Variants in ATP1B1 observed in about 807,000 individuals in gnomAD.
ATP1B1 encodes the protein ATPase Na+/K+ transporting subunit beta 1.
ATP1B1 carries 3 observed loss-of-function variants against 39.6 expected under a neutral mutation model. The observed-to-expected ratio is 0.08, with a 90% CI of 0.03 to 0.20. The LOEUF (loss-of-function observed/expected upper bound fraction) is 0.20, where lower values mean the gene tolerates loss of function less well. Ranked by LOEUF, ATP1B1 falls within the 10% of genes least tolerant of loss-of-function variation. The pLI is 1.00. For synonymous variants in ATP1B1, 139 were observed against 135.0 expected (o/e 1.03, Z -0.20); for missense variants, 216 against 371.1 (o/e 0.58, Z 3.43).
At chr1:169,115,701 G>A (rs1356462744) in intron 2 of ATP1B1, among the ~76,000 whole-genome samples, 4 of 151,944 alleles carry the variant, frequency 2.6e-5, no homozygotes, top group African/African-American at 7.3e-5. Flanking sequence ...TCTTCTTTTT[G>A]GACACTAAAT....
intron 2 of ATP1B1, among the ~76,000 whole-genome samples, chr1:169,114,754 T>C (rs1657804431): frequency 6.6e-6 from 1 of 152,126 alleles, no homozygotes; most frequent in Admixed American, 6.5e-5. Context: ...GCCGGTGTGG[T>C]AGCTCATGCC....
At chr1:169,115,494 G>A (rs1256149863) in intron 2 of ATP1B1, among the ~76,000 whole-genome samples, 1 of 151,658 alleles carries the variant, frequency 6.6e-6, no homozygotes, top group African/African-American at 2.4e-5. Context: ...GGCTACAGGT[G>A]CGCGCCACCA....
chr1:169,116,290 G>T (rs16861916), intron 2 of ATP1B1, among the ~76,000 whole-genome samples: 2 of 152,188 alleles, frequency 1.3e-5, no homozygotes, highest in African/African-American at 4.8e-5. Context: ...GTGGGTCCGG[G>T]AGATTCCCAG....
At chr1:169,125,081 CT>C (rs751220188) in intron 3 of ATP1B1, 42 bp downstream of exon 3, 11 of 1,537,582 alleles carry the variant, frequency 7.2e-6, no homozygotes, top group Non-Finnish European at 9.6e-6. Flanking sequence ...AGTTTTCTTT[CT>C]CTTTAACTCT....
intron 5 of ATP1B1, 75 bp downstream of exon 5, chr1:169,130,165 T>A (rs2101794656): frequency 1.6e-6 from 2 of 1,261,394 alleles, no homozygotes; most frequent in Non-Finnish European, 2.3e-6. Flanking sequence ...GAAGACTGTT[T>A]AAGTGACAGG....
chr1:169,122,149 GTC>G (rs765591681), intron 2 of ATP1B1, among the ~76,000 whole-genome samples: 3 of 152,106 alleles, frequency 2.0e-5, no homozygotes, highest in Non-Finnish European at 4.4e-5. Context: ...ACAGGCATTT[GTC>G]TCTCTCTCTG....
chr1:169,112,843 GGTGGGTCT>G (rs1394949825), intron 2 of ATP1B1, among the ~76,000 whole-genome samples: 1 of 152,190 alleles, frequency 6.6e-6, no homozygotes, highest in Non-Finnish European at 1.5e-5. Context: ...TTCCACAAGA[GGTGGGTCT>G]GTGGAAAGGT....
chr1:169,108,663 T>C (rs1657659714), intron 1 of ATP1B1, among the ~76,000 whole-genome samples: 2 of 152,232 alleles, frequency 1.3e-5, no homozygotes, highest in South Asian at 4.1e-4. Flanking sequence ...GACTGACTCA[T>C]TTTTAAGCCG....
chr1:169,124,094 C>A (rs1000574431), intron 2 of ATP1B1, among the ~76,000 whole-genome samples: 1 of 152,172 alleles, frequency 6.6e-6, no homozygotes, highest in Non-Finnish European at 1.5e-5. Flanking sequence ...CTTTTCCAAC[C>A]ATTGCTCCTG....
intron 4 of ATP1B1, 122 bp from the exon 5 acceptor site, chr1:169,129,888 T>C (rs1658167899): frequency 1.2e-6 from 1 of 805,580 alleles, no homozygotes; most frequent in African/African-American, 2.1e-5. Flanking sequence ...CTGATGTCTT[T>C]TGTTATTTTG....
Position 169,132,556 on chromosome 1 carries a change from G to A in ATP1B1, c.*1001G>A, listed in dbSNP as rs1042281245. ...TTGTTTGAAAATAAATCTTTATTTTGAACTTTATAAAAAGCAATGCAGTAC... is the reference window on the plus strand; with the variant it reads ...TTGTTTGAAAATAAATCTTTATTTTAAACTTTATAAAAAGCAATGCAGTAC... On this transcript the variant is annotated 3_prime_UTR_variant, in exon 6 of 6. Coordinates refer to ENST00000367815, the MANE Select transcript of ATP1B1 (RefSeq NM_001677.4). The A allele has an allele frequency of 1.9e-5, 8 of 430,568 alleles. No homozygotes were observed. Among genetic ancestry groups the A allele is most frequent in the African/African-American group, 1.6e-4 (8 of 48,778 alleles). 26.7% of individuals were successfully genotyped at this position (430,568 alleles called of 1,614,324 possible).
rs553220141 is a variant in ATP1B1, at chr1:169,111,240, G to A, written c.98-130G>A. The A allele has an allele frequency of 8.5e-5, 110 of 1,295,202 alleles. 2 individuals carry two copies. In the South Asian group the frequency reaches 1.5e-3, roughly 17 times the overall value. 80.2% of individuals were successfully genotyped at this position (1,295,202 alleles called of 1,614,324 possible). ...TGTCAGTGGGGTGAGGTGCACTCTT[G>A]ACGTTGGACAAGGAAGAAATCATGG... is the stretch of plus-strand genomic sequence containing the variant. On this transcript the variant is annotated intron_variant, in intron 1 of 5. Transcript: ENST00000367815.
intron 2 of ATP1B1, among the ~76,000 whole-genome samples, chr1:169,115,196 A>G (rs1657816069): frequency 7.5e-6 from 1 of 132,890 alleles, no homozygotes; most frequent in Non-Finnish European, 1.7e-5. Context: ...AAAAAAAAAA[A>G]AAAGAAAAAA....
intron 5 of ATP1B1, among the ~76,000 whole-genome samples, chr1:169,130,658 G>A (rs567043882): frequency 6.6e-6 from 1 of 151,876 alleles, no homozygotes; most frequent in African/African-American, 2.4e-5. Context: ...GTGGCGGCGC[G>A]TGCCTGTAAT....
chr1:169,118,080 G>A (rs1471539239), intron 2 of ATP1B1, among the ~76,000 whole-genome samples: 1 of 152,084 alleles, frequency 6.6e-6, no homozygotes, highest in African/African-American at 2.4e-5. Context: ...TTGAGAATAA[G>A]CACAATTATG....
intron 4 of ATP1B1, among the ~76,000 whole-genome samples, chr1:169,129,488 CAAAGAAACGCTCCT>C: frequency 6.6e-6 from 1 of 152,102 alleles, no homozygotes; most frequent in African/African-American, 2.4e-5. Context: ...AAGAAAATTG[CAAAGAAACGCTCCT>C]TAAATGGCAG....
At chr1:169,118,184 G>A (rs1436014848) in intron 2 of ATP1B1, among the ~76,000 whole-genome samples, 3 of 152,176 alleles carry the variant, frequency 2.0e-5, no homozygotes, top group Non-Finnish European at 2.9e-5. Context: ...GCCTGAAAGT[G>A]AATATACAGC....
chr1:169,112,898 A>G (rs973607108), intron 2 of ATP1B1, among the ~76,000 whole-genome samples: 1 of 152,164 alleles, frequency 6.6e-6, no homozygotes, highest in African/African-American at 2.4e-5. Context: ...AGAAGCTGAA[A>G]CATGTTTTAC....
intron 1 of ATP1B1, among the ~76,000 whole-genome samples, chr1:169,108,540 A>G (rs1461565139): frequency 2.0e-5 from 3 of 152,164 alleles, no homozygotes; most frequent in African/African-American, 7.2e-5. Flanking sequence ...GACTCTAGGC[A>G]CATTGTGAAA....
Sources: gnomAD v4.1 joint callset for allele counts (sites outside exome capture counted in the v4.1 genomes callset) on GRCh38, gnomAD v4.1.1 for gene constraint, MANE v1.5 for transcripts, NCBI Gene and HGNC (gene_info 2026-07-23, HGNC 2026-07-21) for gene names.